Variants in GRIN2B observed in about 807,000 individuals in gnomAD.
GRIN2B encodes glutamate receptor ionotropic, NMDA 2B.
In GRIN2B, 5 loss-of-function variants were observed where a neutral mutation model predicts 114.5. The observed-to-expected ratio is 0.04, with a 90% CI of 0.02 to 0.09. GRIN2B has a LOEUF of 0.09. Ranked by LOEUF, GRIN2B falls within the 10% of genes least tolerant of loss-of-function variation. The probability of loss-of-function intolerance (pLI) is 1.00; values close to 1 mark genes in which losing one functional copy is unlikely to be tolerated. For missense variants in GRIN2B, 1,108 were observed against 1,943.5 expected (o/e 0.57, Z 8.08); for synonymous variants, 787 against 745.1 (o/e 1.06, Z -0.92).
chr12:13,729,080 T>C (rs151314271), intron 4 of GRIN2B, among the ~76,000 whole-genome samples: 26 of 152,344 alleles, frequency 1.7e-4, no homozygotes, highest in African/African-American at 5.3e-4. Context: ...GAGAAAGAGA[T>C]GAAGTCAGAG....
chr12:13,937,023 T>C (rs1867140375), intron 2 of GRIN2B, among the ~76,000 whole-genome samples: 1 of 149,160 alleles, frequency 6.7e-6, no homozygotes, highest in Non-Finnish European at 1.5e-5. Flanking sequence ...TCACCTTGGC[T>C]GTCTGCCTAG....
chr12:13,770,407 C>G (rs1863884820), intron 3 of GRIN2B, among the ~76,000 whole-genome samples: 1 of 152,182 alleles, frequency 6.6e-6, no homozygotes, highest in Non-Finnish European at 1.5e-5. Context: ...TAAGTTTACC[C>G]TATATCAGAA....
chr12:13,660,604 T>A (rs1949912393), intron 5 of GRIN2B, among the ~76,000 whole-genome samples: 1 of 152,172 alleles, frequency 6.6e-6, no homozygotes, highest in Non-Finnish European at 1.5e-5. Context: ...TCACTAGAGC[T>A]TTGTGGAGTA....
In GRIN2B at chr12:13,614,047, A is replaced by T. The variant is rs1484067318; in HGVS notation, c.1654+1067T>A. Among the ~76,000 whole-genome samples, 3 of 151,864 alleles carry T rather than the reference A, an allele frequency of 2.0e-5. No individual in the cohort carries two copies. In the East Asian group the frequency reaches 5.8e-4, roughly 29 times the overall value. ...AAAAAAAAAAAAAAAAAGCAAATAA[A>T]ATATGTATAGAAGCTATGAGAATTA... On this transcript the variant is annotated intron_variant, in intron 8 of 13. Coordinates refer to ENST00000609686, the MANE Select transcript of GRIN2B (RefSeq NM_000834.5).
intron 4 of GRIN2B, among the ~76,000 whole-genome samples, chr12:13,711,900 A>G (rs544934237): frequency 5.3e-5 from 8 of 152,262 alleles, no homozygotes; most frequent in Admixed American, 2.0e-4. Context: ...AAGATTATAA[A>G]TCATGCTGCT....
chr12:13,972,923 C>T (rs1299493509), intron 2 of GRIN2B, among the ~76,000 whole-genome samples: 1 of 152,176 alleles, frequency 6.6e-6, no homozygotes, highest in African/African-American at 2.4e-5. Flanking sequence ...GTCTAATATG[C>T]ACAGGTGTGT....
chr12:13,810,279 G>A (rs1001301519), intron 3 of GRIN2B, among the ~76,000 whole-genome samples: 10 of 150,628 alleles, frequency 6.6e-5, no homozygotes, highest in Non-Finnish European at 1.0e-4. Context: ...GCAATGTCAC[G>A]ATCTTGGCTT....
At chr12:13,596,897 C>G (rs1805508) in intron 10 of GRIN2B, among the ~76,000 whole-genome samples, 42,531 of 152,128 alleles carry the variant, frequency 0.28, 6,816 homozygotes, top group Middle Eastern at 0.46. Context: ...AGAGAAGGTC[C>G]CCAGGACAGA....
chr12:13,773,551 G>C (rs1284310332), intron 3 of GRIN2B, among the ~76,000 whole-genome samples: 1 of 152,168 alleles, frequency 6.6e-6, no homozygotes, highest in Non-Finnish European at 1.5e-5. Context: ...TTCTCAGGAG[G>C]AGTAAAAGAC....
intron 3 of GRIN2B, among the ~76,000 whole-genome samples, chr12:13,858,868 CA>C (rs1865706904): frequency 6.6e-6 from 1 of 152,176 alleles, no homozygotes; most frequent in Non-Finnish European, 1.5e-5. Context: ...GTAATTGCAT[CA>C]CCAAAGAGGT....
intron 3 of GRIN2B, among the ~76,000 whole-genome samples, chr12:13,771,495 A>G (rs981183755): frequency 2.0e-5 from 3 of 152,214 alleles, no homozygotes; most frequent in African/African-American, 7.2e-5. Flanking sequence ...AAAAAAAAAG[A>G]ACTGGATTTG....
intron 10 of GRIN2B, among the ~76,000 whole-genome samples, chr12:13,578,189 A>G (rs753814482): frequency 5.3e-5 from 8 of 152,290 alleles, no homozygotes; most frequent in Non-Finnish European, 7.3e-5. Flanking sequence ...CATTCGGTTG[A>G]CTAAAGTCTG....
At chr12:13,664,039 G>T (rs1044158759) in intron 5 of GRIN2B, among the ~76,000 whole-genome samples, 1 of 152,100 alleles carries the variant, frequency 6.6e-6, no homozygotes, top group African/African-American at 2.4e-5. Flanking sequence ...ACAGAAAGGG[G>T]GAATAATATT....
chr12:13,778,322 C>G (rs1210802531), intron 3 of GRIN2B, among the ~76,000 whole-genome samples: 1 of 152,218 alleles, frequency 6.6e-6, no homozygotes, highest in Non-Finnish European at 1.5e-5. Context: ...GTATTACACT[C>G]TCTGAAAGGT....
rs1325111304 is a variant in GRIN2B, at chr12:13,546,850, T to C, written c.*15933A>G. 6.6e-6 allele frequency: 1 copy of C among 152,084 alleles called. No homozygotes were observed. The highest frequency in any genetic ancestry group is 1.5e-5 in the Non-Finnish European group (1 of 68,044). The allele number at this position is 152,084 out of a possible 1,614,324, so 9.4% of individuals were successfully genotyped here. ...AGAGAGAACAAGAAAAGCCACAAAA[T>C]ACCTCCACATACACAACAGGCATCT... On this transcript the variant is annotated 3_prime_UTR_variant, in exon 14 of 14. Coordinates refer to ENST00000609686, the MANE Select transcript of GRIN2B (RefSeq NM_000834.5).
intron 3 of GRIN2B, among the ~76,000 whole-genome samples, chr12:13,843,442 T>C (rs1409568933): frequency 6.6e-6 from 1 of 152,168 alleles, no homozygotes; most frequent in African/African-American, 2.4e-5. Context: ...AATTTTTCCA[T>C]GAGGCCAAAT....
chr12:13,812,463 TC>T (rs997323623), intron 3 of GRIN2B, among the ~76,000 whole-genome samples: 9 of 134,084 alleles, frequency 6.7e-5, no homozygotes, highest in Admixed American at 3.7e-4. Flanking sequence ...TATGTATTTA[TC>T]TTTTTTTTTC....
chr12:13,689,025 C>T (rs1950193146), intron 4 of GRIN2B, among the ~76,000 whole-genome samples: 3 of 152,136 alleles, frequency 2.0e-5, no homozygotes, highest in African/African-American at 7.2e-5. Flanking sequence ...TCCTTCTTTA[C>T]TGGATGCCTT....
intron 4 of GRIN2B, among the ~76,000 whole-genome samples, chr12:13,709,847 G>A (rs553983744): frequency 1.3e-5 from 2 of 151,794 alleles, no homozygotes; most frequent in South Asian, 2.1e-4. Context: ...TGATACTACC[G>A]CTCTGAAAAA....
Sources: gnomAD v4.1 joint callset for allele counts (sites outside exome capture counted in the v4.1 genomes callset) on GRCh38, gnomAD v4.1.1 for gene constraint, MANE v1.5 for transcripts, NCBI Gene and HGNC (gene_info 2026-07-23, HGNC 2026-07-21) for gene names.